CCSER1: variants seen among roughly 807,000 people sequenced by gnomAD.
The protein encoded by CCSER1 is serine-rich coiled-coil domain-containing protein 1.
CCSER1 carries 41 observed loss-of-function variants against 82.0 expected under a neutral mutation model. The observed-to-expected ratio is 0.50, with a 90% CI of 0.39 to 0.65. CCSER1 has a LOEUF of 0.65. Among genes scored for constraint, CCSER1 ranks in the 30% least tolerant of loss-of-function variants. The pLI, the probability that CCSER1 is intolerant of heterozygous loss-of-function variation, is 0.00. For missense variants in CCSER1, 1,119 were observed against 1,064.2 expected, an observed-to-expected ratio of 1.05 and a Z score of -0.72; for synonymous variants, 414 against 383.9, an observed-to-expected ratio of 1.08 and a Z score of -0.92.
intron 7 of CCSER1, among the ~76,000 whole-genome samples, chr4:90,744,184 A>G (rs1022565143): frequency 1.3e-5 from 2 of 152,162 alleles, no homozygotes; most frequent in African/African-American, 4.8e-5. Flanking sequence ...AGGAGAGACA[A>G]ATGTCCTGAA....
In CCSER1 at chr4:91,014,448, T is replaced by A. The variant is rs193233048; in HGVS notation, c.2173-71502T>A. 1.0e-4 allele frequency among the ~76,000 whole-genome samples: 14 copies of A among 134,516 alleles called. 5 individuals carry two copies. Among genetic ancestry groups the A allele is most frequent in the Admixed American group, 1.0e-3 (14 of 13,504 alleles). The allele number at this position is 134,516 out of a possible 152,430, so 88.2% of individuals were successfully genotyped here. A position where few individuals can be genotyped will look rare whatever the true frequency, so the allele number is the denominator to read the frequency against. On this transcript the variant is annotated intron_variant, in intron 9 of 10. Coordinates refer to ENST00000509176, the MANE Select transcript of CCSER1 (RefSeq NM_001145065.2). ...TCTACTTCTCCACACCACGTCCTAC[T>A]CCTAAATTTGTGCTATAAAATCTGC... is the stretch of plus-strand genomic sequence containing the variant.
rs200539996 is a variant in CCSER1, at chr4:90,628,049, G to C, written c.1749G>C (p.Lys583Asn). 1.2e-6 allele frequency: 2 copies of C among 1,613,106 alleles called. No homozygotes were observed. The highest frequency in any genetic ancestry group is 2.7e-5 in the African/African-American group (2 of 74,732). The stretch of plus-strand genomic sequence containing the variant: ...GGAATCTTTCCCTGAAATTAACAAA[G>C]GACGTTGATCAAGAAGCCAGGTGTT... ...SKQNLSLKLT[K>N]DVDQEARCSH... The change falls in exon 6 of 11, where the codon AAG becomes AAC. Residue 583 changes from lysine (K) to asparagine (N), a missense_variant. Physicochemically the swap from Lys to Asn is moderately conservative, Grantham distance 94. Coordinates refer to ENST00000509176, the MANE Select transcript of CCSER1 (RefSeq NM_001145065.2).
chr4:90,236,689 G>T (rs1487074698), intron 1 of CCSER1, among the ~76,000 whole-genome samples: 1 of 152,044 alleles, frequency 6.6e-6, no homozygotes, highest in Non-Finnish European at 1.5e-5. Context: ...GATTTGTGGA[G>T]TGAATTTGCA....
intron 10 of CCSER1, among the ~76,000 whole-genome samples, chr4:91,402,395 T>G (rs898630103): frequency 6.6e-6 from 1 of 152,238 alleles, no homozygotes; most frequent in African/African-American, 2.4e-5. Flanking sequence ...GCTCTTTAGT[T>G]TAATTAGATC....
intron 10 of CCSER1, among the ~76,000 whole-genome samples, chr4:91,457,000 T>C (rs112163818): frequency 0.01 from 1,553 of 152,246 alleles, 11 homozygotes; most frequent in Middle Eastern, 0.02. Context: ...AATTATTTAA[T>C]TTAGGAAGTA....
At chr4:90,341,369 A>G (rs1474435677) in intron 3 of CCSER1, among the ~76,000 whole-genome samples, 1 of 152,116 alleles carries the variant, frequency 6.6e-6, no homozygotes, top group Admixed American at 6.5e-5. Flanking sequence ...TTTAGATGGC[A>G]TGTAAATCAG....
At chr4:90,522,412 C>T (rs1247134583) in intron 5 of CCSER1, among the ~76,000 whole-genome samples, 4 of 152,144 alleles carry the variant, frequency 2.6e-5, no homozygotes, top group African/African-American at 9.7e-5. Flanking sequence ...AATCTTCTAA[C>T]TGAGCTGTCT....
intron 10 of CCSER1, among the ~76,000 whole-genome samples, chr4:91,538,698 C>CATATAATATATATATATATATATTATAT (rs1761425952): frequency 7.2e-6 from 1 of 138,340 alleles, no homozygotes; most frequent in East Asian, 2.1e-4. Context: ...TATATATACA[C>CATATAATATATATATATATATATTATAT]ATATATATAT....
chr4:90,768,942 A>G (rs1460193276), intron 7 of CCSER1, among the ~76,000 whole-genome samples: 1 of 152,168 alleles, frequency 6.6e-6, no homozygotes, highest in African/African-American at 2.4e-5. Context: ...AAATCAAATA[A>G]TGCTAAATTT....
intron 1 of CCSER1, among the ~76,000 whole-genome samples, chr4:90,249,707 A>G (rs181250082): frequency 9.2e-5 from 14 of 152,216 alleles, no homozygotes; most frequent in Admixed American, 7.2e-4. Flanking sequence ...ATTCCATTGT[A>G]TGGATCTACC....
chr4:91,534,407 T>C (rs1051394965), intron 10 of CCSER1, among the ~76,000 whole-genome samples: 2 of 152,070 alleles, frequency 1.3e-5, no homozygotes, highest in Non-Finnish European at 2.9e-5. Flanking sequence ...TGTTGCACAG[T>C]CCTTAAAAAT....
chr4:90,732,023 G>A (rs991874973), intron 7 of CCSER1, among the ~76,000 whole-genome samples: 2 of 85,416 alleles, frequency 2.3e-5, no homozygotes, highest in Non-Finnish European at 4.7e-5. Flanking sequence ...GTACCTATTG[G>A]GATTTCTCTC....
chr4:90,231,860 C>T (rs1744630462), intron 1 of CCSER1, among the ~76,000 whole-genome samples: 1 of 149,790 alleles, frequency 6.7e-6, no homozygotes, highest in African/African-American at 2.5e-5. Flanking sequence ...CATGAGTGAA[C>T]TCCCATTCAC....
At chr4:91,084,935 G>GA (rs897530969) in intron 9 of CCSER1, among the ~76,000 whole-genome samples, 4 of 151,574 alleles carry the variant, frequency 2.6e-5, no homozygotes, top group African/African-American at 7.2e-5. Flanking sequence ...GTAGCCAAAT[G>GA]AAAAAAAAGT....
rs201354908 is a variant in CCSER1 at position 90,611,059 on chromosome 4, C to CTTTTTTT, written c.1725-16952_1725-16946dup. ...TGCCTGGCTAATTTTCTTTTCTTTT[C>CTTTTTTT]TTTTTTTTTTTTTTTTTTTTGTAGA... On this transcript the variant is annotated intron_variant, in intron 5 of 10. Transcript: ENST00000509176. Among the ~76,000 whole-genome samples the CTTTTTTT allele has an allele frequency of 1.3e-3, 126 of 93,806 alleles. 6 individuals are homozygous for CTTTTTTT. Among genetic ancestry groups the CTTTTTTT allele is most frequent in the African/African-American group, 2.9e-3 (53 of 17,972 alleles). The allele number at this position is 93,806 out of a possible 152,430, so 61.5% of individuals were successfully genotyped here.
chr4:90,149,309 A>G (rs1003722422), intron 1 of CCSER1, among the ~76,000 whole-genome samples: 11 of 152,272 alleles, frequency 7.2e-5, no homozygotes, highest in Non-Finnish European at 1.5e-4. Flanking sequence ...ACCTCACCCT[A>G]TATACATGGA....
intron 3 of CCSER1, among the ~76,000 whole-genome samples, chr4:90,375,714 A>G (rs1022540116): frequency 6.6e-6 from 1 of 152,192 alleles, no homozygotes; most frequent in African/African-American, 2.4e-5. Context: ...TCCACCTCCC[A>G]TGCAAAACAT....
chr4:90,363,658 A>T (rs575384666), intron 3 of CCSER1, among the ~76,000 whole-genome samples: 2 of 152,292 alleles, frequency 1.3e-5, no homozygotes, highest in East Asian at 3.9e-4. Flanking sequence ...CTTCCAAAGA[A>T]GCTAAAGAAA....
intron 10 of CCSER1, among the ~76,000 whole-genome samples, chr4:91,528,944 G>A (rs967788713): frequency 6.6e-6 from 1 of 152,010 alleles, no homozygotes; most frequent in Admixed American, 6.6e-5. Flanking sequence ...TTAATTAATC[G>A]ATCATAATAG....
Sources: gnomAD v4.1 joint callset for allele counts (sites outside exome capture counted in the v4.1 genomes callset) on GRCh38, gnomAD v4.1.1 for gene constraint, MANE v1.5 for transcripts, NCBI Gene and HGNC (gene_info 2026-07-23, HGNC 2026-07-21) for gene names.